Variants in TIMMDC1 observed in about 807,000 individuals in gnomAD.
TIMMDC1 encodes complex I assembly factor TIMMDC1, mitochondrial.
In TIMMDC1, 25 loss-of-function variants were observed where a neutral mutation model predicts 32.6. That is an observed-to-expected ratio of 0.77 (90% CI 0.56 to 1.07). The LOEUF is 1.07. Ranked by LOEUF, TIMMDC1 falls within the 50% of genes least tolerant of loss-of-function variation. TIMMDC1 has a pLI of 0.00. For synonymous variants in TIMMDC1, 130 were observed against 127.6 expected (o/e 1.02, Z -0.13); for missense variants, 329 against 349.2 (o/e 0.94, Z 0.46).
intron 6 of TIMMDC1, 94 bp downstream of exon 6, chr3:119,517,409 C>T (rs1361738664): frequency 2.7e-6 from 2 of 739,760 alleles, no homozygotes; most frequent in African/African-American, 1.8e-5. Flanking sequence ...TAAACTGCCA[C>T]TCAATTCAAA....
At chr3:119,512,876 G>A (rs1264197391) in intron 4 of TIMMDC1, among the ~76,000 whole-genome samples, 1 of 152,154 alleles carries the variant, frequency 6.6e-6, no homozygotes, top group African/African-American at 2.4e-5. Context: ...GAGTAGCTGG[G>A]ATTACAGGCG....
In TIMMDC1 at chr3:119,498,778, A is replaced by G. The variant is rs758656603; in HGVS notation, c.45A>G (p.Ala15=). The change falls in exon 1 of 7, where the codon GCA becomes GCG. Residue 15 remains alanine (A), a synonymous_variant. Transcript: ENST00000494664. The part of the protein sequence containing the change: ...PPAPRSFLCR[A]LCLFPRVFAA... ...CACCGCGGAGCTTTCTCTGTAGAGC[A>G]TTGTGCCTATTTCCCCGAGTCTTTG... The G allele has an allele frequency of 4.3e-6, 7 of 1,614,114 alleles. No individual in the cohort carries two copies. Among genetic ancestry groups the G allele is most frequent in the Middle Eastern group, 1.6e-4 (1 of 6,084 alleles).
chr3:119,509,333 G>A (rs894411296), intron 4 of TIMMDC1, among the ~76,000 whole-genome samples: 10 of 152,084 alleles, frequency 6.6e-5, no homozygotes, highest in African/African-American at 1.4e-4. Context: ...TGTTATTCTC[G>A]ACAGCCTCAA....
chr3:119,516,027 G>T (rs1214009824), intron 5 of TIMMDC1, among the ~76,000 whole-genome samples: 1 of 152,138 alleles, frequency 6.6e-6, no homozygotes. Flanking sequence ...TGCTTTTGTT[G>T]TAGTGTTAAT....
chr3:119,499,681 G>C, intron 1 of TIMMDC1, among the ~76,000 whole-genome samples: 1 of 152,176 alleles, frequency 6.6e-6, no homozygotes, highest in East Asian at 1.9e-4. Flanking sequence ...CTCCCAAAGT[G>C]CTGGGATTAC....
chr3:119,516,649 T>G (rs1370065648), intron 5 of TIMMDC1, among the ~76,000 whole-genome samples: 1 of 152,176 alleles, frequency 6.6e-6, no homozygotes, highest in Non-Finnish European at 1.5e-5. Flanking sequence ...ATAATAATTA[T>G]TATCTAAATC....
intron 1 of TIMMDC1, 29 bp downstream of exon 1, chr3:119,498,956 TA>T (rs779306620): frequency 1.2e-6 from 2 of 1,607,764 alleles, no homozygotes; most frequent in Non-Finnish European, 1.7e-6. Context: ...TGAAGTGGGG[TA>T]GGGGGCCGCG....
intron 6 of TIMMDC1, among the ~76,000 whole-genome samples, chr3:119,519,030 A>G (rs1250049208): frequency 1.3e-5 from 2 of 152,246 alleles, no homozygotes; most frequent in Non-Finnish European, 2.9e-5. Flanking sequence ...CTTATAAGAA[A>G]TGCTTAAAGA....
At chr3:119,514,603 G>A (rs1295756830) in intron 5 of TIMMDC1, among the ~76,000 whole-genome samples, 2 of 152,124 alleles carry the variant, frequency 1.3e-5, no homozygotes, top group African/African-American at 4.8e-5. Flanking sequence ...TACAACATAG[G>A]TGAAGTTGTA....
chr3:119,500,593 A>G, intron 1 of TIMMDC1, 102 bp from the exon 2 acceptor site: 1 of 1,012,996 alleles, frequency 9.9e-7, no homozygotes, highest in Non-Finnish European at 1.4e-6. Flanking sequence ...ATGATGAAAA[A>G]TGTTGTGGTG....
chr3:119,509,935 C>T (rs1363232230), intron 4 of TIMMDC1, among the ~76,000 whole-genome samples: 5 of 152,064 alleles, frequency 3.3e-5, no homozygotes, highest in Non-Finnish European at 7.4e-5. Context: ...CCGCCCGCCT[C>T]GGCCTCCCAA....
intron 5 of TIMMDC1, among the ~76,000 whole-genome samples, chr3:119,516,845 G>C (rs541994157): frequency 6.6e-6 from 1 of 152,200 alleles, no homozygotes; most frequent in African/African-American, 2.4e-5. Flanking sequence ...TTTCATTTTT[G>C]AGAAATCTTT....
rs1054700641 is a variant in TIMMDC1, at chr3:119,498,605, C to G, written c.-129C>G. The G allele has an allele frequency of 1.1e-6, 1 of 894,832 alleles. No homozygotes were observed. The highest frequency in any genetic ancestry group is 1.7e-6 in the Non-Finnish European group (1 of 578,614). The allele number at this position is 894,832 out of a possible 1,614,324, so 55.4% of individuals were successfully genotyped here. ...GGACTGAAGGTGTGGGTGTCGAGCC[C>G]TCTGGCAGAGGGTTAACCTGGGTCA... On this transcript the variant is annotated 5_prime_UTR_variant, in exon 1 of 7. Coordinates refer to ENST00000494664, the MANE Select transcript of TIMMDC1 (RefSeq NM_016589.4).
intron 4 of TIMMDC1, among the ~76,000 whole-genome samples, chr3:119,508,688 C>A (rs1035525018): frequency 1.3e-5 from 2 of 152,216 alleles, no homozygotes; most frequent in African/African-American, 2.4e-5. Flanking sequence ...ACAAGCCAGT[C>A]AGTCAGCCTT....
intron 1 of TIMMDC1, among the ~76,000 whole-genome samples, chr3:119,499,575 G>T (rs1369650940): frequency 2.6e-5 from 4 of 151,826 alleles, no homozygotes; most frequent in African/African-American, 9.7e-5. Context: ...CCACTACCAT[G>T]CCCAGCTAAT....
At chr3:119,520,169 A>G (rs375581479) in intron 6 of TIMMDC1, among the ~76,000 whole-genome samples, 4 of 152,200 alleles carry the variant, frequency 2.6e-5, no homozygotes, top group Non-Finnish European at 4.4e-5. Context: ...AAATGTTTCA[A>G]ATAAACAACC....
In TIMMDC1 at chr3:119,502,085, G is replaced by C. The variant is rs181737225; in HGVS notation, c.360+1225G>C. ...TTATAAGTATTTTGAGTACTTGTTA[G>C]TTCCTTTGAGACTATGTAAATATCC... On this transcript the variant is annotated intron_variant, in intron 2 of 6. Transcript: ENST00000494664. Among the ~76,000 whole-genome samples the C allele has an allele frequency of 3.9e-5, 6 of 152,106 alleles. No homozygotes were observed. The East Asian group carries it at 1.2e-3, about 29-fold the overall frequency.
chr3:119,511,745 AGACTG>A (rs1468860896), intron 4 of TIMMDC1, among the ~76,000 whole-genome samples: 1 of 152,220 alleles, frequency 6.6e-6, no homozygotes, highest in Non-Finnish European at 1.5e-5. Context: ...GCTCAGTTGA[AGACTG>A]GACAAAGGAC....
intron 1 of TIMMDC1, 110 bp from the exon 2 acceptor site, chr3:119,500,585 G>T: frequency 1.1e-6 from 1 of 935,966 alleles, no homozygotes; most frequent in Non-Finnish European, 1.6e-6. Flanking sequence ...TTCTACCTAT[G>T]ATGAAAAATG....
Sources: gnomAD v4.1 joint callset for allele counts (sites outside exome capture counted in the v4.1 genomes callset) on GRCh38, gnomAD v4.1.1 for gene constraint, MANE v1.5 for transcripts, NCBI Gene and HGNC (gene_info 2026-07-23, HGNC 2026-07-21) for gene names.